Variants in DPYD observed in about 807,000 individuals in gnomAD.
The protein encoded by DPYD is dihydropyrimidine dehydrogenase [NADP(+)].
Under a neutral mutation model 116.2 loss-of-function variants are expected in DPYD, and 109 were observed. The ratio of observed to expected loss-of-function variants is 0.94; its 90% confidence interval spans 0.80 to 1.10. The LOEUF is 1.10. Among genes scored for constraint, DPYD ranks in the 50% least tolerant of loss-of-function variants. DPYD has a pLI of 0.00. For missense variants in DPYD, 1,302 were observed against 1,254.5 expected (o/e 1.04, Z -0.57); for synonymous variants, 440 against 432.0 (o/e 1.02, Z -0.23).
At chr1:97,356,317 A>G (rs1378554439) in intron 16 of DPYD, among the ~76,000 whole-genome samples, 1 of 152,106 alleles carries the variant, frequency 6.6e-6, no homozygotes, top group Non-Finnish European at 1.5e-5. Context: ...CTCCTTATAT[A>G]TATTTGATAT....
At chr1:97,514,181 T>G in intron 13 of DPYD, 1 of 984,606 alleles carries the variant, frequency 1.0e-6, no homozygotes, top group Non-Finnish European at 1.2e-6. Flanking sequence ...CTTCCACATT[T>G]ATTTCTGCTG....
Position 97,774,839 on chromosome 1 carries a change from G to A in DPYD, c.234-34360C>T, listed in dbSNP as rs115650501. 1.3e-3 allele frequency: 249 copies of A among 192,256 alleles called. 1 individual carries two copies. The highest frequency in any genetic ancestry group is 5.0e-3 in the African/African-American group (214 of 42,650). The allele number at this position is 192,256 out of a possible 1,614,324, so 11.9% of individuals were successfully genotyped here. ...CATGTATATCAGTACTGTGGGAAAC[G>A]GTTTGACGATTTTGAACATTTTAAA... On this transcript the variant is annotated intron_variant, in intron 3 of 22. Coordinates refer to ENST00000370192, the MANE Select transcript of DPYD (RefSeq NM_000110.4).
rs114628371 is a variant in DPYD at position 97,645,306 on chromosome 1, T to C, written c.850+33789A>G. ...CCTCGTCAACAATTTGTCAGTGTGATAGATAAAATGGTAGGTCAGGGAGTG... is the reference window on the plus strand; with the variant it reads ...CCTCGTCAACAATTTGTCAGTGTGACAGATAAAATGGTAGGTCAGGGAGTG... On this transcript the variant is annotated intron_variant, in intron 8 of 22. Transcript: ENST00000370192. 7.6e-3 allele frequency among the ~76,000 whole-genome samples: 1,161 copies of C among 152,284 alleles called. 20 individuals are homozygous for C. The highest frequency in any genetic ancestry group is 0.026 in the African/African-American group (1,087 of 41,576).
intron 20 of DPYD, among the ~76,000 whole-genome samples, chr1:97,143,121 G>C (rs1054185298): frequency 1.3e-5 from 2 of 151,594 alleles, no homozygotes. Flanking sequence ...ATATAGCAAG[G>C]TTTCTTGTTT....
intron 14 of DPYD, among the ~76,000 whole-genome samples, chr1:97,435,090 A>G (rs1020138092): frequency 3.9e-5 from 6 of 151,988 alleles, no homozygotes; most frequent in African/African-American, 1.4e-4. Flanking sequence ...TGTTTTGGGG[A>G]AAAGGCTCAT....
At chr1:97,402,764 A>C (rs1435030383) in intron 14 of DPYD, among the ~76,000 whole-genome samples, 1 of 152,128 alleles carries the variant, frequency 6.6e-6, no homozygotes, top group African/African-American at 2.4e-5. Flanking sequence ...GATATTCTTT[A>C]TCAAACTCAG....
At chr1:97,232,993 T>C (rs1489491089) in intron 19 of DPYD, among the ~76,000 whole-genome samples, 6 of 152,226 alleles carry the variant, frequency 3.9e-5, no homozygotes, top group Non-Finnish European at 7.3e-5. Flanking sequence ...AATTTTGGTA[T>C]AATATTAAGA....
At chr1:97,402,984 C>A (rs1239433212) in intron 14 of DPYD, among the ~76,000 whole-genome samples, 1 of 152,016 alleles carries the variant, frequency 6.6e-6, no homozygotes, top group Non-Finnish European at 1.5e-5. Context: ...GTGTATAATT[C>A]TTTTTATACA....
At chr1:97,575,689 C>T (rs952887057) in intron 10 of DPYD, among the ~76,000 whole-genome samples, 1 of 152,158 alleles carries the variant, frequency 6.6e-6, no homozygotes, top group Non-Finnish European at 1.5e-5. Context: ...AAACTGCTCA[C>T]TCCTCAGACA....
intron 20 of DPYD, among the ~76,000 whole-genome samples, chr1:97,143,106 T>C (rs935736814): frequency 2.0e-5 from 3 of 152,044 alleles, no homozygotes; most frequent in African/African-American, 7.2e-5. Context: ...AGGAATTATA[T>C]TTAGATATAG....
chr1:97,863,229 T>C (rs1298366757), intron 2 of DPYD, among the ~76,000 whole-genome samples: 1 of 151,858 alleles, frequency 6.6e-6, no homozygotes, highest in Non-Finnish European at 1.5e-5. Flanking sequence ...GATAAAGAAA[T>C]GCCATATGAT....
intron 13 of DPYD, among the ~76,000 whole-genome samples, chr1:97,496,595 G>A (rs577594160): frequency 2.6e-5 from 4 of 151,848 alleles, no homozygotes; most frequent in South Asian, 4.2e-4. Context: ...CCATTTTTAC[G>A]GGGCTTTCTT....
intron 20 of DPYD, among the ~76,000 whole-genome samples, chr1:97,176,858 G>A (rs1657296422): frequency 1.5e-5 from 2 of 136,264 alleles, no homozygotes; most frequent in Non-Finnish European, 3.1e-5. Flanking sequence ...AGTATTCAAG[G>A]GACAAAAAAA....
At chr1:97,433,109 T>G (rs902607277) in intron 14 of DPYD, among the ~76,000 whole-genome samples, 3 of 152,158 alleles carry the variant, frequency 2.0e-5, no homozygotes, top group Non-Finnish European at 4.4e-5. Context: ...AAAGAGCCAC[T>G]GCAGTACAAC....
intron 19 of DPYD, among the ~76,000 whole-genome samples, chr1:97,195,594 ATGTG>A (rs372624396): frequency 0.042 from 1,838 of 43,276 alleles, 85 homozygotes; most frequent in East Asian, 0.14. Context: ...ATATATATAT[ATGTG>A]TGTGTGTGTA....
At chr1:97,080,984 C>A (rs962792236) in intron 22 of DPYD, among the ~76,000 whole-genome samples, 1 of 151,948 alleles carries the variant, frequency 6.6e-6, no homozygotes, top group African/African-American at 2.4e-5. Context: ...CCTGATTGAT[C>A]TCTGATTGGT....
chr1:97,405,518 TTTTG>T (rs766188353), intron 14 of DPYD, among the ~76,000 whole-genome samples: 42 of 152,086 alleles, frequency 2.8e-4, no homozygotes, highest in Non-Finnish European at 4.9e-4. Context: ...TTATTTATTC[TTTTG>T]TTTGTTTTTT....
At chr1:97,512,990 G>A (rs1647919095) in intron 13 of DPYD, among the ~76,000 whole-genome samples, 1 of 150,128 alleles carries the variant, frequency 6.7e-6, no homozygotes, top group East Asian at 1.9e-4. Flanking sequence ...TTTCATATTT[G>A]ACATTAAAAA....
intron 8 of DPYD, among the ~76,000 whole-genome samples, chr1:97,645,862 C>T (rs1658229320): frequency 1.3e-5 from 2 of 152,046 alleles, no homozygotes; most frequent in African/African-American, 2.4e-5. Context: ...TGAGAAATTA[C>T]TTGTAGATTC....
Sources: gnomAD v4.1 joint callset for allele counts (sites outside exome capture counted in the v4.1 genomes callset) on GRCh38, gnomAD v4.1.1 for gene constraint, MANE v1.5 for transcripts, NCBI Gene and HGNC (gene_info 2026-07-23, HGNC 2026-07-21) for gene names.